The following CPQ variants were observed in gnomAD, a reference collection of about 807,000 sequenced individuals.
The protein encoded by CPQ is Ser-Met dipeptidase.
A neutral mutation model predicts 45.7 loss-of-function variants in CPQ; 37 were observed. The ratio of observed to expected loss-of-function variants is 0.81; its 90% confidence interval spans 0.62 to 1.07. The LOEUF (loss-of-function observed/expected upper bound fraction) is 1.07. Among genes scored for constraint, CPQ ranks in the 50% least tolerant of loss-of-function variants. CPQ has a pLI of 0.00. For missense variants in CPQ, 537 were observed against 572.9 expected, an observed-to-expected ratio of 0.94 and a Z score of 0.64; for synonymous variants, 186 against 205.8, an observed-to-expected ratio of 0.90 and a Z score of 0.82.
chr8:96,661,275 C>T (rs1000856574), intron 1 of CPQ, among the ~76,000 whole-genome samples: 2 of 151,896 alleles, frequency 1.3e-5, no homozygotes, highest in East Asian at 3.9e-4. Context: ...ACTACCTGCC[C>T]CTCACATGTG....
At chr8:96,987,602 G>A (rs1269544664) in intron 5 of CPQ, among the ~76,000 whole-genome samples, 1 of 152,136 alleles carries the variant, frequency 6.6e-6, no homozygotes, top group African/African-American at 2.4e-5. Context: ...CCATAATTGT[G>A]CTGGCTCTGA....
intron 1 of CPQ, among the ~76,000 whole-genome samples, chr8:96,650,555 G>A (rs1417684479): frequency 6.6e-6 from 1 of 152,220 alleles, no homozygotes; most frequent in Non-Finnish European, 1.5e-5. Context: ...CCCATGGCTG[G>A]CAGGGACTCA....
intron 3 of CPQ, among the ~76,000 whole-genome samples, chr8:96,863,109 C>G (rs1586430263): frequency 6.6e-6 from 1 of 152,114 alleles, no homozygotes; most frequent in Non-Finnish European, 1.5e-5. Context: ...GTTGATCTTA[C>G]AATCTGATTC....
chr8:96,722,577 T>C (rs1563479344), intron 1 of CPQ, among the ~76,000 whole-genome samples: 2 of 152,194 alleles, frequency 1.3e-5, no homozygotes, highest in Non-Finnish European at 2.9e-5. Context: ...TTCCTATGCA[T>C]CCTCAATTTA....
intron 1 of CPQ, among the ~76,000 whole-genome samples, chr8:96,759,510 G>A (rs982836062): frequency 1.1e-4 from 16 of 152,012 alleles, no homozygotes; most frequent in Non-Finnish European, 2.2e-4. Context: ...CTTATGATTA[G>A]CATCCATTAG....
chr8:96,719,380 G>A (rs1177638864), intron 1 of CPQ, among the ~76,000 whole-genome samples: 3 of 152,224 alleles, frequency 2.0e-5, no homozygotes, highest in African/African-American at 7.2e-5. Flanking sequence ...GCTGCTCCAA[G>A]TGCGGGCCCG....
chr8:96,919,203 T>C (rs1392760808), intron 4 of CPQ, among the ~76,000 whole-genome samples: 2 of 152,024 alleles, frequency 1.3e-5, no homozygotes, highest in Non-Finnish European at 2.9e-5. Flanking sequence ...AAACCTGAAG[T>C]CCCATACCTG....
chr8:96,791,160 G>A (rs1303735392), intron 2 of CPQ, among the ~76,000 whole-genome samples: 1 of 152,086 alleles, frequency 6.6e-6, no homozygotes, highest in East Asian at 1.9e-4. Context: ...ATTTACCAAG[G>A]GTTGCACAAC....
intron 4 of CPQ, among the ~76,000 whole-genome samples, chr8:96,951,880 C>A (rs779797909): frequency 1.3e-5 from 2 of 151,478 alleles, no homozygotes; most frequent in African/African-American, 2.4e-5. Context: ...TTGAGGTCAT[C>A]TTACAATAAT....
At chr8:97,072,039 G>A (rs749964383) in intron 7 of CPQ, among the ~76,000 whole-genome samples, 25 of 152,124 alleles carry the variant, frequency 1.6e-4, no homozygotes, top group Non-Finnish European at 3.2e-4. Flanking sequence ...ATGTTTTCTA[G>A]AAGCCCTAAA....
At chr8:97,132,506 G>T (rs1198512509) in intron 7 of CPQ, among the ~76,000 whole-genome samples, 1 of 152,172 alleles carries the variant, frequency 6.6e-6, no homozygotes, top group African/African-American at 2.4e-5. Flanking sequence ...GGGGAAAAAT[G>T]TTTAAGTTCA....
At chr8:97,065,549 A>G (rs1328809763) in intron 6 of CPQ, among the ~76,000 whole-genome samples, 5 of 152,188 alleles carry the variant, frequency 3.3e-5, no homozygotes, top group African/African-American at 1.2e-4. Flanking sequence ...CACAATTAAG[A>G]TAAGATAGAA....
chr8:96,806,169 G>C (rs900701797), intron 2 of CPQ, among the ~76,000 whole-genome samples: 1 of 152,134 alleles, frequency 6.6e-6, no homozygotes, highest in African/African-American at 2.4e-5. Flanking sequence ...GGGCAATATA[G>C]GTTTGGCTGT....
chr8:96,965,672 C>T (rs1199271979), intron 4 of CPQ, among the ~76,000 whole-genome samples: 1 of 151,960 alleles, frequency 6.6e-6, no homozygotes, highest in Non-Finnish European at 1.5e-5. Context: ...CCCGGCCAAG[C>T]CAATTTCTTT....
intron 1 of CPQ, among the ~76,000 whole-genome samples, chr8:96,658,604 TTAAAATA>T: frequency 6.6e-6 from 1 of 152,364 alleles, no homozygotes; most frequent in Non-Finnish European, 1.5e-5. Context: ...TCATCTGGCC[TTAAAATA>T]GGAAATTATG....
chr8:97,038,060 T>C (rs975180731), intron 6 of CPQ, among the ~76,000 whole-genome samples: 8 of 152,244 alleles, frequency 5.3e-5, no homozygotes, highest in African/African-American at 1.9e-4. Context: ...CCTACCATTC[T>C]GAGATAATTT....
intron 5 of CPQ, among the ~76,000 whole-genome samples, chr8:96,986,264 C>T (rs1209464100): frequency 5.3e-5 from 8 of 152,264 alleles, no homozygotes; most frequent in Non-Finnish European, 4.4e-5. Flanking sequence ...CTCTTGTTGC[C>T]ACCCTTGACA....
chr8:97,006,279 GAAAGTTGAGTTGTTTTTTTTT>G (rs1388711064), intron 5 of CPQ, among the ~76,000 whole-genome samples: 1 of 152,148 alleles, frequency 6.6e-6, no homozygotes, highest in Non-Finnish European at 1.5e-5. Flanking sequence ...GAAAGAATCT[GAAAGTTGAGTTGTTTTTTTTT>G]AAGTCTCTTC....
chr8:96,836,790 G>A (rs559514214), intron 3 of CPQ, among the ~76,000 whole-genome samples: 34 of 150,300 alleles, frequency 2.3e-4, no homozygotes, highest in African/African-American at 7.3e-4. Context: ...AGGATTCACT[G>A]GCATTTTTTT....
Sources: allele counts gnomAD v4.1 joint callset (sites outside exome capture counted in the v4.1 genomes callset), GRCh38; gene constraint gnomAD v4.1.1; transcripts MANE v1.5; gene names NCBI Gene and HGNC (gene_info 2026-07-23, HGNC 2026-07-21).